PCDH10: variants seen among roughly 807,000 people sequenced by gnomAD.
PCDH10 encodes protocadherin 10, also known as protocadherin-10.
PCDH10 carries 15 observed loss-of-function variants against 74.4 expected under a neutral mutation model. The ratio of observed to expected loss-of-function variants is 0.20; its 90% CI spans 0.13 to 0.31. The LOEUF (loss-of-function observed/expected upper bound fraction) is 0.31, where lower values mean the gene tolerates loss of function less well. Among genes scored for constraint, PCDH10 ranks in the 10% least tolerant of loss-of-function variants. The probability of loss-of-function intolerance (pLI) is 1.00; values close to 1 mark genes in which losing one functional copy is unlikely to be tolerated. For missense variants in PCDH10, 1,260 were observed against 1,390.2 expected (o/e 0.91, Z 1.49); for synonymous variants, 619 against 589.8 (o/e 1.05, Z -0.72).
At position 133,152,709 on chromosome 4, in the gene PCDH10, G is replaced by A; in HGVS notation, c.2569G>A (p.Val857Ile). The A allele has an allele frequency of 6.2e-7, 1 of 1,614,174 alleles. No individual in the cohort carries two copies. Residue 857 changes from valine (V) to isoleucine (I), a missense_variant, in exon 1 of 5, where the codon GTC (valine) becomes ATC (isoleucine). By Grantham distance (29) the Val-to-Ile change is conservative (BLOSUM62 3). This residue lies in a region of PCDH10 where 587 missense variants were observed against 616.9 expected (regional missense o/e 0.95). Transcript: ENST00000264360. ...DTEHNPCGAI[V>I]TGYTDQQPDI... ...TGAGCACAACCCCTGCGGGGCCATC[G>A]TCACCGGTTACACCGACCAGCAGCC...
At chr4:133,181,120 A>G (rs925746554) in intron 4 of PCDH10, among the ~76,000 whole-genome samples, 5 of 151,986 alleles carry the variant, frequency 3.3e-5, no homozygotes, top group African/African-American at 1.2e-4. Flanking sequence ...AGAAGAAATA[A>G]TATTTATTTA....
chr4:133,184,556 G>A (rs927695667), intron 4 of PCDH10, among the ~76,000 whole-genome samples: 2 of 151,318 alleles, frequency 1.3e-5, no homozygotes, highest in Non-Finnish European at 2.9e-5. Flanking sequence ...CCGGGAAGCT[G>A]AGGTTGCAGT....
chr4:133,176,334 T>G (rs1166290795), intron 4 of PCDH10, among the ~76,000 whole-genome samples: 1 of 152,114 alleles, frequency 6.6e-6, no homozygotes, highest in Non-Finnish European at 1.5e-5. Context: ...CTTCCTATAA[T>G]TCCTTTTCCC....
downstream of PCDH10, among the ~76,000 whole-genome samples, chr4:133,198,363 A>ACTG (rs1727834621): frequency 1.3e-5 from 2 of 152,244 alleles, no homozygotes; most frequent in Non-Finnish European, 2.9e-5. Flanking sequence ...ATAAGTTAAA[A>ACTG]CAAGGAAAAA....
At position 133,191,163 on chromosome 4, in the gene PCDH10, G is replaced by T. The variant is rs1198092749; in HGVS notation, c.*1003G>T. 2 of 152,200 alleles carry T rather than the reference G, an allele frequency of 1.3e-5. No homozygotes were observed. The highest frequency in any genetic ancestry group is 2.9e-5 in the Non-Finnish European group (2 of 67,830). The allele number at this position is 152,200 out of a possible 1,614,324, so 9.4% of individuals were successfully genotyped here. A position where few individuals can be genotyped will look rare whatever the true frequency, so the allele number is the denominator to read the frequency against. On this transcript the variant is annotated 3_prime_UTR_variant, in exon 5 of 5. Transcript: ENST00000264360. ...AGAATCGATAAATTCACCTGTATTT[G>T]TTGTTAGAAAAAAACTGGGTGTCTG...
At chr4:133,154,777 A>G (rs72715783) in intron 2 of PCDH10, 140 bp from the exon 3 acceptor site, 103,840 of 626,878 alleles carry the variant, frequency 0.17, 9,701 homozygotes, top group Middle Eastern at 0.23. Flanking sequence ...TAGGCTATAA[A>G]AACTAGCTTT....
chr4:133,159,033 G>T (rs1464621877), intron 3 of PCDH10, among the ~76,000 whole-genome samples: 2 of 151,838 alleles, frequency 1.3e-5, no homozygotes, highest in Non-Finnish European at 2.9e-5. Context: ...TGCAATTTTT[G>T]TGGTTACAAT....
downstream of PCDH10, among the ~76,000 whole-genome samples, chr4:133,197,969 TTGTGTGTGTGTG>T (rs70957500): frequency 3.7e-4 from 54 of 145,024 alleles, no homozygotes; most frequent in African/African-American, 9.2e-4. Context: ...TCTCTCAAAA[TTGTGTGTGTGTG>T]TGTGTGTGTG....
At chr4:133,182,274 A>G (rs1727432916) in intron 4 of PCDH10, among the ~76,000 whole-genome samples, 1 of 152,090 alleles carries the variant, frequency 6.6e-6, no homozygotes, top group South Asian at 2.1e-4. Context: ...AAAGGTGCTA[A>G]TATAGTCTTC....
At position 133,155,066 on chromosome 4, in the gene PCDH10, T is replaced by C. The variant is rs746527760; in HGVS notation, c.2797+43T>C. 3.0e-6 allele frequency: 4 copies of C among 1,334,762 alleles called. No homozygotes were observed. The South Asian group carries it at 3.5e-5, about 12-fold the overall frequency. 82.7% of individuals were successfully genotyped at this position (1,334,762 alleles called of 1,614,324 possible). A position where few individuals can be genotyped will look rare whatever the true frequency, so the allele number is the denominator to read the frequency against. ...GCAATCTAAATGCTAACTTTTATAG[T>C]TTTTGTTTTTAAAAATAAACGTAGG... On this transcript the variant is annotated intron_variant, in intron 3 of 4. Transcript: ENST00000264360.
In PCDH10 at chr4:133,150,649, A is replaced by G. The variant is rs759795511; in HGVS notation, c.509A>G (p.Asp170Gly). Reference protein sequence around the residue: ...EITPNSYFSLDVQTQGDGNRF... With the variant: ...EITPNSYFSLGVQTQGDGNRF... ...ACCCCCAACAGCTACTTCTCCCTGG[A>G]CGTGCAGACCCAGGGGGATGGCAAC... is the stretch of plus-strand genomic sequence containing the variant. Residue 170 changes from aspartate to glycine, a missense_variant, in exon 1 of 5, where the codon GAC becomes GGC. Asp to Gly is a moderately conservative substitution (Grantham distance 94, BLOSUM62 -1). Around this residue, in one of 11 missense-constraint regions of PCDH10, gnomAD observed 35 missense variants for 29.1 expected, o/e 1.20. Coordinates refer to ENST00000264360, the MANE Select transcript of PCDH10 (RefSeq NM_032961.3). 2.5e-6 allele frequency: 4 copies of G among 1,612,882 alleles called. No homozygotes were observed. Among genetic ancestry groups the G allele is most frequent in the Non-Finnish European group, 2.5e-6 (3 of 1,179,946 alleles).
intron 2 of PCDH10, among the ~76,000 whole-genome samples, chr4:133,199,765 A>C (rs1727865147): frequency 7.3e-6 from 1 of 137,672 alleles, no homozygotes; most frequent in African/African-American, 2.9e-5. Flanking sequence ...GTTTTTAATT[A>C]TTATTATTAT....
chr4:133,188,417 A>T (rs1727585875), intron 4 of PCDH10, among the ~76,000 whole-genome samples: 1 of 152,146 alleles, frequency 6.6e-6, no homozygotes, highest in Non-Finnish European at 1.5e-5. Context: ...GAACTCAAGG[A>T]CACAGAAAAA....
intron 4 of PCDH10, among the ~76,000 whole-genome samples, chr4:133,168,688 C>T (rs1008439571): frequency 4.6e-5 from 7 of 151,544 alleles, no homozygotes; most frequent in Non-Finnish European, 8.9e-5. Context: ...ACTCCCTTGG[C>T]ATATTTAGAC....
At chr4:133,161,093 A>G (rs1726960259) in intron 3 of PCDH10, among the ~76,000 whole-genome samples, 1 of 152,082 alleles carries the variant, frequency 6.6e-6, no homozygotes, top group Non-Finnish European at 1.5e-5. Flanking sequence ...TCTGGTGTCT[A>G]GTGAAACATT....
At chr4:133,184,803 T>A (rs572555344) in intron 4 of PCDH10, among the ~76,000 whole-genome samples, 24 of 141,624 alleles carry the variant, frequency 1.7e-4, no homozygotes, top group Middle Eastern at 3.6e-3. Context: ...TATTTATATA[T>A]ATATATTTAT....
chr4:133,158,471 C>G (rs949417339), intron 3 of PCDH10, among the ~76,000 whole-genome samples: 3 of 151,996 alleles, frequency 2.0e-5, no homozygotes, highest in African/African-American at 4.8e-5. Context: ...TGTCAAATTT[C>G]TCTTCAATAA....
In PCDH10 at chr4:133,150,048, G is replaced by C. The variant is rs1486763046; in HGVS notation, c.-93G>C. ...GCCCCCACGTAGCGCACTTTTATTT[G>C]TATTTTTTCAGATTTTTTTTTGTTT... On this transcript the variant is annotated 5_prime_UTR_variant, in exon 1 of 5. Transcript: ENST00000264360. The C allele has an allele frequency of 6.9e-7, 1 of 1,449,594 alleles. No homozygotes were observed. The highest frequency in any genetic ancestry group is 1.4e-5 in the African/African-American group (1 of 70,410). 89.8% of individuals were successfully genotyped at this position (1,449,594 alleles called of 1,614,324 possible).
rs1281474678 is a variant in PCDH10 at position 133,151,884 on chromosome 4, A to C, written c.1744A>C (p.Asn582His). The C allele has an allele frequency of 6.2e-7, 1 of 1,613,016 alleles. No individual in the cohort carries two copies. The highest frequency in any genetic ancestry group is 1.7e-5 in the Admixed American group (1 of 60,028). The change falls in exon 1 of 5, where the codon AAC (asparagine) becomes CAC (histidine). Residue 582 changes from asparagine to histidine, a missense_variant. Physicochemically the swap from Asn to His is moderately conservative, Grantham distance 68 (BLOSUM62 1). This residue lies in a region of PCDH10 where 587 missense variants were observed against 616.9 expected (regional missense o/e 0.95). Transcript: ENST00000264360. Reference sequence around the variant, plus strand: ...CATCGTGGCGCCTCTACCAGGGCGCAACGGGACTCCAGCGCGTGAGGTGCT... The same window carrying C: ...CATCGTGGCGCCTCTACCAGGGCGCCACGGGACTCCAGCGCGTGAGGTGCT... ...PAIVAPLPGR[N>H]GTPAREVLPR...
Sources: allele counts gnomAD v4.1 joint callset (sites outside exome capture counted in the v4.1 genomes callset), GRCh38; gene constraint gnomAD v4.1.1; regional missense constraint gnomAD v4.1.1; transcripts MANE v1.5; gene names NCBI Gene and HGNC (gene_info 2026-07-23, HGNC 2026-07-21).